Variants in PDK3 observed in about 807,000 individuals in gnomAD.
PDK3 encodes pyruvate dehydrogenase kinase, isozyme 3.
PDK3 carries 12 observed loss-of-function variants against 32.0 expected under a neutral mutation model. That is an observed-to-expected ratio of 0.37 (90% confidence interval 0.24 to 0.61). PDK3 has a LOEUF of 0.61. Ranked by LOEUF, PDK3 falls within the 20% of genes least tolerant of loss-of-function variation. The pLI is 0.65. For missense variants in PDK3, 188 were observed against 316.9 expected, an observed-to-expected ratio of 0.59 and a Z score of 3.09; for synonymous variants, 122 against 116.3, an observed-to-expected ratio of 1.05 and a Z score of -0.31.
chrX:24,501,433 G>C (rs919538004), intron 3 of PDK3, among the ~76,000 whole-genome samples: 3 of 112,901 alleles, frequency 2.7e-5, no homozygotes, highest in African/African-American at 3.2e-5. Context: ...ACATCTGTTG[G>C]CCGGGCATGG....
chrX:24,505,324 G>A (rs767253239), intron 5 of PDK3, 26 bp downstream of exon 5: 10 of 1,089,394 alleles, frequency 9.2e-6, no homozygotes, highest in Non-Finnish European at 8.9e-6. Context: ...TAATGGTATC[G>A]ATCGTAGTTC....
intron 1 of PDK3, among the ~76,000 whole-genome samples, chrX:24,481,226 G>A (rs770013180): frequency 1.8e-5 from 2 of 110,607 alleles, no homozygotes; most frequent in African/African-American, 6.6e-5. Context: ...TGTATTTTTA[G>A]TAGAGACAGG....
intron 5 of PDK3, among the ~76,000 whole-genome samples, chrX:24,509,005 C>T (rs907033650): frequency 8.9e-6 from 1 of 112,046 alleles, no homozygotes; most frequent in Non-Finnish European, 1.9e-5. Context: ...GCATGAGCCA[C>T]CATCCCCAGC....
chrX:24,531,779 TTTTA>T lies in PDK3; in HGVS notation c.1077+13_1077+16del, dbSNP rs1046476039. The T allele has an allele frequency of 1.3e-5, 13 of 998,876 alleles. No homozygotes were observed. The highest frequency in any genetic ancestry group is 9.2e-5 in the East Asian group (3 of 32,730). 82.3% of individuals were successfully genotyped at this position (998,876 alleles called of 1,213,427 possible). A position where few individuals can be genotyped will look rare whatever the true frequency, so the allele number is the denominator to read the frequency against. ...CTGTCATTTATTTGAAGGTACTGCG[TTTTA>T]TTTGTTAGTATGAGGCATCTTTGCT... is the stretch of plus-strand genomic sequence containing the variant. On this transcript the variant is annotated intron_variant, in intron 10 of 10. Transcript: ENST00000379162.
chrX:24,499,044 G>T, intron 3 of PDK3, 144 bp downstream of exon 3: 1 of 294,150 alleles, frequency 3.4e-6, no homozygotes, highest in Admixed American at 6.7e-5. Flanking sequence ...TCAACATTGA[G>T]TTTTTTTTTT....
intron 6 of PDK3, 84 bp from the exon 7 acceptor site, chrX:24,526,114 C>T (rs1310263384): frequency 1.4e-6 from 1 of 725,020 alleles, no homozygotes; most frequent in Admixed American, 2.5e-5. Flanking sequence ...GTTTTACACA[C>T]TTGGAAAATA....
Position 24,465,413 on chromosome X carries a change from C to T in PDK3, c.-43C>T. On this transcript the variant is annotated 5_prime_UTR_variant, in exon 1 of 11. Coordinates refer to ENST00000379162, the MANE Select transcript of PDK3 (RefSeq NM_005391.5). Reference sequence around the variant, plus strand: ...GGCTTGGCTGCGCCAGCCCTTGCGGCCACCCGGGCGTCTAGGCGGGTCTGT... The same window carrying T: ...GGCTTGGCTGCGCCAGCCCTTGCGGTCACCCGGGCGTCTAGGCGGGTCTGT... 3.9e-6 allele frequency: 4 copies of T among 1,026,078 alleles called. No individual in the cohort carries two copies. The highest frequency in any genetic ancestry group is 1.9e-5 in the African/African-American group (1 of 53,402). The allele number at this position is 1,026,078 out of a possible 1,213,427, so 84.6% of individuals were successfully genotyped here. A position where few individuals can be genotyped will look rare whatever the true frequency, so the allele number is the denominator to read the frequency against.
chrX:24,496,771 CTTTTTT>C (rs376346872), intron 2 of PDK3, among the ~76,000 whole-genome samples: 1 of 35,393 alleles, frequency 2.8e-5, no homozygotes, highest in Non-Finnish European at 4.7e-5. Flanking sequence ...TCAAAATAAT[CTTTTTT>C]TTTTTTTTTT....
chrX:24,519,590 G>T (rs1018557985), intron 6 of PDK3, among the ~76,000 whole-genome samples: 1 of 109,845 alleles, frequency 9.1e-6, no homozygotes, highest in East Asian at 2.9e-4. Flanking sequence ...GGCTGGTTTC[G>T]AACTCATGAC....
chrX:24,511,108 C>T (rs1922106907), intron 5 of PDK3, among the ~76,000 whole-genome samples: 2 of 112,267 alleles, frequency 1.8e-5, no homozygotes, highest in Admixed American at 1.9e-4. Context: ...CCCAAATGCC[C>T]CAGGAGCAAC....
exon 12 of PDK3, among the ~76,000 whole-genome samples, chrX:24,543,650 T>C (rs1922937323): frequency 9.0e-6 from 1 of 110,748 alleles, no homozygotes; most frequent in African/African-American, 3.3e-5. Flanking sequence ...GGTTTCACCA[T>C]GTTGCCCAGG....
intron 1 of PDK3, among the ~76,000 whole-genome samples, chrX:24,482,932 C>T (rs1283167570): frequency 3.6e-5 from 4 of 112,254 alleles, no homozygotes; most frequent in East Asian, 2.8e-4. Flanking sequence ...AGATTGAGAA[C>T]GTATGGCATA....
At chrX:24,473,892 C>T (rs753704140) in intron 1 of PDK3, among the ~76,000 whole-genome samples, 1 of 111,900 alleles carries the variant, frequency 8.9e-6, no homozygotes, top group African/African-American at 3.2e-5. Flanking sequence ...TTCTCTTTCC[C>T]TTAAGCAGTT....
At chrX:24,548,181 A>C (rs1923034124) in exon 12 of PDK3, 1 of 112,200 alleles carries the variant, frequency 8.9e-6, no homozygotes, top group East Asian at 2.8e-4. Flanking sequence ...TTGTAATCTC[A>C]GGAACATAAG....
At chrX:24,539,253 C>T (rs981066261), downstream of PDK3, 25 of 587,262 alleles carry the variant, frequency 4.3e-5, no homozygotes, top group Admixed American at 5.2e-4. Context: ...CTGCTCTGAG[C>T]GTGGCATCAC....
At chrX:24,525,872 C>T (rs1319538587) in intron 6 of PDK3, among the ~76,000 whole-genome samples, 3 of 112,043 alleles carry the variant, frequency 2.7e-5, no homozygotes, top group Non-Finnish European at 5.6e-5. Flanking sequence ...TGAAAAACAC[C>T]AAGTGATATC....
At chrX:24,481,009 A>G (rs146799615) in intron 1 of PDK3, among the ~76,000 whole-genome samples, 121 of 110,406 alleles carry the variant, frequency 1.1e-3, no homozygotes, top group African/African-American at 3.9e-3. Context: ...GATCACAAAG[A>G]GAAGAACAAA....
At chrX:24,542,662 G>A (rs112751279) in exon 12 of PDK3, among the ~76,000 whole-genome samples, 2 of 112,302 alleles carry the variant, frequency 1.8e-5, no homozygotes, top group African/African-American at 3.2e-5. Context: ...GATGGATTTG[G>A]CAGCTTTTAC....
chrX:24,511,584 A>G (rs1328020323), intron 5 of PDK3, among the ~76,000 whole-genome samples: 2 of 111,800 alleles, frequency 1.8e-5, no homozygotes, highest in Non-Finnish European at 3.8e-5. Flanking sequence ...GCAGTGACAC[A>G]CACCTGTAAT....
Sources: gnomAD v4.1 joint callset for allele counts (sites outside exome capture counted in the v4.1 genomes callset) on GRCh38, gnomAD v4.1.1 for gene constraint, MANE v1.5 for transcripts, NCBI Gene and HGNC (gene_info 2026-07-23, HGNC 2026-07-21) for gene names.